KATNIP: variants seen among roughly 807,000 people sequenced by gnomAD.
The protein encoded by KATNIP is katanin interacting protein, also known as katanin-interacting protein.
In KATNIP, 126 loss-of-function variants were observed where a neutral mutation model predicts 174.0. The observed-to-expected ratio is 0.72, with a 90% CI of 0.63 to 0.84. The LOEUF is 0.84. KATNIP is among the 40% of genes least tolerant of loss of function. KATNIP has a pLI of 0.00. For missense variants in KATNIP, 1,958 were observed against 2,109.7 expected (o/e 0.93, Z 1.41); for synonymous variants, 810 against 835.7 (o/e 0.97, Z 0.53).
Position 27,749,843 on chromosome 16 carries a change from C to A in KATNIP, c.2883C>A (p.Asp961Glu), listed in dbSNP as rs142735534. The A allele has an allele frequency of 3.1e-6, 5 of 1,613,898 alleles. No homozygotes were observed. The highest frequency in any genetic ancestry group is 4.2e-6 in the Non-Finnish European group (5 of 1,179,962). The change falls in exon 16 of 28, where the codon GAC (aspartate) becomes GAA (glutamate). Residue 961 changes from aspartate to glutamate, a missense_variant. This residue lies in a region of KATNIP where 1,557 missense variants were observed against 1,617.8 expected (regional missense o/e 0.96). Transcript: ENST00000261588. ...AGGATGGCTACTCTGGAGAGACAGA[C>A]GCTGGGGGTGACTTTAAAATCCCCG... ...RGQDGYSGET[D>E]AGGDFKIPVL... is the part of the protein sequence containing the mutation.
At chr16:27,597,744 A>C (rs917871951) in intron 2 of KATNIP, among the ~76,000 whole-genome samples, 1 of 152,118 alleles carries the variant, frequency 6.6e-6, no homozygotes, top group East Asian at 1.9e-4. Flanking sequence ...GTCTTGTCTC[A>C]GTGGATACTG....
Position 27,594,864 on chromosome 16 carries a change from T to C in KATNIP, c.63+20908T>C, listed in dbSNP as rs115108086. Among the ~76,000 whole-genome samples the C allele has an allele frequency of 4.6e-3, 697 of 152,248 alleles. 7 individuals carry two copies. Among genetic ancestry groups the C allele is most frequent in the African/African-American group, 0.016 (673 of 41,556 alleles). On this transcript the variant is annotated intron_variant, in intron 2 of 27. Coordinates refer to ENST00000261588, the MANE Select transcript of KATNIP (RefSeq NM_015202.5). Reference sequence around the variant, plus strand: ...CCAGTTTATCAGTTGCTGTGATGGGTCTGTAAGATAAAACATGCAAACCAC... The same window carrying C: ...CCAGTTTATCAGTTGCTGTGATGGGCCTGTAAGATAAAACATGCAAACCAC...
chr16:27,590,647 G>T (rs577251210), intron 2 of KATNIP, among the ~76,000 whole-genome samples: 1 of 152,314 alleles, frequency 6.6e-6, no homozygotes, highest in East Asian at 1.9e-4. Flanking sequence ...CTGAAGGCTA[G>T]TGGGATTGAC....
At chr16:27,555,625 A>G (rs1411190417) in intron 1 of KATNIP, among the ~76,000 whole-genome samples, 1 of 151,018 alleles carries the variant, frequency 6.6e-6, no homozygotes, top group Non-Finnish European at 1.5e-5. Context: ...ACCTGAGATC[A>G]GAAGTTCGAG....
chr16:27,570,432 TG>T (rs1245138893), intron 1 of KATNIP, among the ~76,000 whole-genome samples: 1 of 151,940 alleles, frequency 6.6e-6, no homozygotes, highest in East Asian at 1.9e-4. Context: ...CCAGGCATGG[TG>T]GTGGGCATCT....
chr16:27,702,310 G>A (rs949171869), intron 11 of KATNIP, among the ~76,000 whole-genome samples: 3 of 152,216 alleles, frequency 2.0e-5, no homozygotes, highest in African/African-American at 7.2e-5. Context: ...GCCCACAGCA[G>A]CGTCCTTCGA....
chr16:27,636,095 A>G (rs1341464679), intron 5 of KATNIP, among the ~76,000 whole-genome samples: 3 of 152,166 alleles, frequency 2.0e-5, no homozygotes, highest in Non-Finnish European at 4.4e-5. Context: ...TCAAGGGTGC[A>G]GTGAGCCATG....
intron 2 of KATNIP, among the ~76,000 whole-genome samples, chr16:27,611,505 C>CAT (rs1369237847): frequency 1.3e-5 from 2 of 152,190 alleles, no homozygotes; most frequent in Non-Finnish European, 2.9e-5. Flanking sequence ...TAGAGCTGGA[C>CAT]AGCGGTGAAG....
At chr16:27,664,837 G>T (rs2077629719) in intron 6 of KATNIP, among the ~76,000 whole-genome samples, 1 of 152,082 alleles carries the variant, frequency 6.6e-6, no homozygotes, top group Non-Finnish European at 1.5e-5. Flanking sequence ...AAATTTCAGG[G>T]CCGTAAAAAC....
At chr16:27,675,553 G>A (rs866948242) in intron 6 of KATNIP, among the ~76,000 whole-genome samples, 16 of 152,238 alleles carry the variant, frequency 1.1e-4, no homozygotes, top group South Asian at 8.3e-4. Context: ...TCTGTGGTTC[G>A]GGGCTCTGTT....
intron 12 of KATNIP, 70 bp downstream of exon 12, chr16:27,704,068 T>G: frequency 8.2e-7 from 1 of 1,223,380 alleles, no homozygotes; most frequent in Non-Finnish European, 1.2e-6. Flanking sequence ...TTCGCATCAG[T>G]GAGGATTGCT....
chr16:27,640,818 C>A (rs891553770), intron 5 of KATNIP, among the ~76,000 whole-genome samples: 1 of 151,746 alleles, frequency 6.6e-6, no homozygotes, highest in South Asian at 2.1e-4. Context: ...AGCAGTAGTG[C>A]TAAAGGGAAG....
At chr16:27,557,534 C>T (rs1319157261) in intron 1 of KATNIP, among the ~76,000 whole-genome samples, 17 of 150,804 alleles carry the variant, frequency 1.1e-4, no homozygotes, top group African/African-American at 3.9e-4. Context: ...CTCAAGCGAT[C>T]GTCCCATGTC....
At chr16:27,764,096 G>T (rs1407761426) in intron 19 of KATNIP, among the ~76,000 whole-genome samples, 1 of 152,122 alleles carries the variant, frequency 6.6e-6, no homozygotes, top group East Asian at 1.9e-4. Context: ...AAAAATGGTG[G>T]TATTTTCACC....
intron 3 of KATNIP, among the ~76,000 whole-genome samples, chr16:27,623,312 A>T (rs1304541154): frequency 6.6e-6 from 1 of 152,192 alleles, no homozygotes; most frequent in Non-Finnish European, 1.5e-5. Context: ...GTTCATTTCT[A>T]AAACAGGCCA....
Position 27,769,823 on chromosome 16 carries a change from T to C in KATNIP, c.3976-38T>C, listed in dbSNP as rs370839602. ...GCACCGCTTCTGTCCCCACATGGCC[T>C]GCCTCCCTTCAGTCATGTTATTTCT... On this transcript the variant is annotated intron_variant, in intron 20 of 27. Coordinates refer to ENST00000261588, the MANE Select transcript of KATNIP (RefSeq NM_015202.5). The C allele has an allele frequency of 4.2e-5, 68 of 1,604,466 alleles. No individual in the cohort carries two copies. In the South Asian group the frequency reaches 4.6e-4, roughly 11 times the overall value.
intron 23 of KATNIP, among the ~76,000 whole-genome samples, chr16:27,774,513 G>A (rs1157386942): frequency 6.6e-6 from 1 of 152,092 alleles, no homozygotes; most frequent in East Asian, 1.9e-4. Flanking sequence ...GCTGCTCCGA[G>A]GTCCTTCCAC....
intron 13 of KATNIP, among the ~76,000 whole-genome samples, chr16:27,720,022 T>C (rs1210107576): frequency 1.3e-5 from 2 of 152,148 alleles, no homozygotes; most frequent in African/African-American, 4.8e-5. Flanking sequence ...TGCTTTGTTG[T>C]TGTTGTTGTT....
rs550145301 is a variant in KATNIP at position 27,581,532 on chromosome 16, G to T, written c.63+7576G>T. Among the ~76,000 whole-genome samples the T allele has an allele frequency of 8.5e-5, 13 of 152,280 alleles. No individual in the cohort carries two copies. In the South Asian group the frequency reaches 2.3e-3, roughly 27 times the overall value. Reference sequence around the variant, plus strand: ...TAGTTCCCTAGTTCACTTGTCTTGTGGGGGTGAGAGGAGGGACGTTTACTT... The same window carrying T: ...TAGTTCCCTAGTTCACTTGTCTTGTTGGGGTGAGAGGAGGGACGTTTACTT... On this transcript the variant is annotated intron_variant, in intron 2 of 27. Transcript: ENST00000261588.
Sources: gnomAD v4.1 joint callset for allele counts (sites outside exome capture counted in the v4.1 genomes callset) on GRCh38, gnomAD v4.1.1 for gene constraint, gnomAD v4.1.1 regional missense constraint, MANE v1.5 for transcripts, NCBI Gene and HGNC (gene_info 2026-07-23, HGNC 2026-07-21) for gene names.